Variants in NFIC observed in about 807,000 individuals in gnomAD.
NFIC encodes the protein nuclear factor 1 C-type.
A neutral mutation model predicts 54.4 loss-of-function variants in NFIC; 12 were observed. The ratio of observed to expected loss-of-function variants is 0.22; its 90% CI spans 0.14 to 0.36. The LOEUF (loss-of-function observed/expected upper bound fraction) is 0.36. Among genes scored for constraint, NFIC ranks in the 10% least tolerant of loss-of-function variants. NFIC has a pLI of 1.00. For missense variants in NFIC, 575 were observed against 718.2 expected (o/e 0.80, Z 2.28); for synonymous variants, 322 against 319.2 (o/e 1.01, Z -0.09).
chr19:3,427,623 G>T (rs1030992606), intron 3 of NFIC, among the ~76,000 whole-genome samples: 1 of 151,816 alleles, frequency 6.6e-6, no homozygotes, highest in Non-Finnish European at 1.5e-5. Context: ...GAGGTCAGGA[G>T]TTCGAGACCA....
chr19:3,457,615 G>A (rs551564353), intron 10 of NFIC, among the ~76,000 whole-genome samples: 1 of 152,164 alleles, frequency 6.6e-6, no homozygotes, highest in African/African-American at 2.4e-5. Context: ...CAGACTCAGA[G>A]AGAAACGAGC....
At chr19:3,404,182 T>C (rs1205435726) in intron 2 of NFIC, among the ~76,000 whole-genome samples, 2 of 149,802 alleles carry the variant, frequency 1.3e-5, no homozygotes, top group Non-Finnish European at 3.0e-5. Context: ...CAGGAAGGTG[T>C]TGGGGGTGGG....
intron 6 of NFIC, 139 bp from the exon 7 acceptor site, chr19:3,448,875 C>A: frequency 7.4e-7 from 1 of 1,349,290 alleles, no homozygotes; most frequent in Non-Finnish European, 1.0e-6. Context: ...GGGCTCACAG[C>A]CTCTCCCCCT....
chr19:3,372,169 T>A (rs1014961957), intron 1 of NFIC, among the ~76,000 whole-genome samples: 1 of 152,000 alleles, frequency 6.6e-6, no homozygotes. Context: ...TACAGGCACG[T>A]GCCACCACGC....
upstream of NFIC, among the ~76,000 whole-genome samples, chr19:3,363,262 TA>T (rs1192828726): frequency 1.8e-3 from 125 of 70,254 alleles, 2 homozygotes; most frequent in Middle Eastern, 7.6e-3. Context: ...TATATATATA[TA>T]TATATATTTT....
chr19:3,390,333 C>T (rs539123978), intron 2 of NFIC, among the ~76,000 whole-genome samples: 8 of 152,272 alleles, frequency 5.3e-5, no homozygotes, highest in Non-Finnish European at 7.3e-5. Flanking sequence ...TTTATAGCAA[C>T]GGCAGGAGTC....
chr19:3,436,051 C>T (rs1462759502), intron 6 of NFIC, among the ~76,000 whole-genome samples: 1 of 152,136 alleles, frequency 6.6e-6, no homozygotes, highest in East Asian at 1.9e-4. Flanking sequence ...TGGTCTCAAA[C>T]TCCCGACCTC....
chr19:3,405,204 G>A (rs921511172), intron 2 of NFIC, among the ~76,000 whole-genome samples: 2 of 152,264 alleles, frequency 1.3e-5, no homozygotes, highest in Non-Finnish European at 2.9e-5. Flanking sequence ...ACGCAGGAAG[G>A]ACGAGGCCGG....
intron 1 of NFIC, among the ~76,000 whole-genome samples, chr19:3,367,594 G>A (rs1461996873): frequency 2.0e-5 from 3 of 152,206 alleles, no homozygotes; most frequent in Non-Finnish European, 4.4e-5. Context: ...GGCTCCCCCC[G>A]GGGACTCCTT....
At chr19:3,434,445 C>G (rs748674028) in intron 5 of NFIC, 45 bp downstream of exon 5, 11 of 1,550,616 alleles carry the variant, frequency 7.1e-6, no homozygotes, top group South Asian at 1.2e-5. Flanking sequence ...TGACCCCATT[C>G]ATCAACCCAT....
chr19:3,454,178 C>T (rs909465125), intron 9 of NFIC: 5 of 1,252,920 alleles, frequency 4.0e-6, no homozygotes, highest in Admixed American at 4.3e-5. Context: ...TGGGGGACCC[C>T]GGTGCCCGCC....
intron 2 of NFIC, among the ~76,000 whole-genome samples, chr19:3,390,479 G>A (rs943392105): frequency 2.6e-5 from 4 of 152,158 alleles, no homozygotes; most frequent in Non-Finnish European, 5.9e-5. Flanking sequence ...GTGCAGCCGG[G>A]AGGCCCAGGA....
At chr19:3,373,411 C>G (rs1254858984) in intron 1 of NFIC, among the ~76,000 whole-genome samples, 1 of 151,300 alleles carries the variant, frequency 6.6e-6, no homozygotes, top group Non-Finnish European at 1.5e-5. Flanking sequence ...TCCTTGTCCC[C>G]TCCTCAACCC....
intron 2 of NFIC, among the ~76,000 whole-genome samples, chr19:3,391,081 C>G (rs577239510): frequency 1.2e-4 from 18 of 152,136 alleles, no homozygotes; most frequent in African/African-American, 4.3e-4. Flanking sequence ...GAGACCTCAT[C>G]TGTACAAAAA....
chr19:3,425,781 G>A (rs1264865129), intron 3 of NFIC, among the ~76,000 whole-genome samples: 1 of 151,420 alleles, frequency 6.6e-6, no homozygotes, highest in Non-Finnish European at 1.5e-5. Flanking sequence ...CTTAGAAACG[G>A]TCTCACGCTG....
At chr19:3,436,872 T>C (rs1324897340) in intron 6 of NFIC, among the ~76,000 whole-genome samples, 1 of 152,170 alleles carries the variant, frequency 6.6e-6, no homozygotes, top group African/African-American at 2.4e-5. Context: ...TGCCCGTGTC[T>C]AGCTCTGTGT....
chr19:3,367,261 A>C (rs552910610), intron 1 of NFIC, among the ~76,000 whole-genome samples: 1 of 152,104 alleles, frequency 6.6e-6, no homozygotes, highest in Non-Finnish European at 1.5e-5. Context: ...TTGGAGGCCC[A>C]GGAGGGGGAA....
Position 3,453,499 on chromosome 19 carries a change from G to A in NFIC, c.1270-264G>A, listed in dbSNP as rs73919188. Among the ~76,000 whole-genome samples the A allele has an allele frequency of 6.6e-6, 1 of 152,234 alleles. No homozygotes were observed. Among genetic ancestry groups the A allele is most frequent in the Non-Finnish European group, 1.5e-5 (1 of 68,000 alleles). On this transcript the variant is annotated intron_variant, in intron 8 of 10. Transcript: ENST00000443272. This position sits in a 1 kb window ranked among gnomAD's most constrained non-coding sequence, Gnocchi z 6.7. Reference sequence around the variant, plus strand: ...TTGGAAGGAAATCAGTCGAGTTGGCGTGCAGGGGGTTTACAGAGGAGATGC... The same window carrying A: ...TTGGAAGGAAATCAGTCGAGTTGGCATGCAGGGGGTTTACAGAGGAGATGC...
At position 3,381,819 on chromosome 19, in the gene NFIC, G is replaced by A. The variant is rs1241417934; in HGVS notation, c.138G>A (p.Glu46=). ...AGCGCAAGTACTTCAAGAAGCACGAGAAGCGGATGTCGAAGGACGAGGAGC... is the reference window on the plus strand; with the variant it reads ...AGCGCAAGTACTTCAAGAAGCACGAAAAGCGGATGTCGAAGGACGAGGAGC... The part of the protein sequence containing the change: ...ARKRKYFKKH[E]KRMSKDEERA... Residue 46 remains glutamate (E), a synonymous_variant, in exon 2 of 11, where the codon GAG becomes GAA. Transcript: ENST00000443272. 1.2e-6 allele frequency: 2 copies of A among 1,614,032 alleles called. No homozygotes were observed. The highest frequency in any genetic ancestry group is 1.3e-5 in the African/African-American group (1 of 75,068).
Sources: allele counts gnomAD v4.1 joint callset (sites outside exome capture counted in the v4.1 genomes callset), GRCh38; gene constraint gnomAD v4.1.1; non-coding constraint Gnocchi (gnomAD v3.1); transcripts MANE v1.5; gene names NCBI Gene and HGNC (gene_info 2026-07-23, HGNC 2026-07-21).